Variants in RREB1 observed in about 807,000 individuals in gnomAD.
RREB1 encodes ras responsive element binding protein 1.
Under a neutral mutation model 117.8 loss-of-function variants are expected in RREB1, and 27 were observed. The observed-to-expected ratio is 0.23, with a 90% CI of 0.17 to 0.32. The LOEUF is 0.32. Among genes scored for constraint, RREB1 ranks in the 10% least tolerant of loss-of-function variants. The pLI is 1.00. For missense variants in RREB1, 2,577 were observed against 2,378.2 expected (o/e 1.08, Z -1.74); for synonymous variants, 1,298 against 1,026.7 (o/e 1.26, Z -5.05).
At chr6:7,201,388 C>A (rs947485440) in intron 6 of RREB1, among the ~76,000 whole-genome samples, 1 of 152,116 alleles carries the variant, frequency 6.6e-6, no homozygotes, top group Non-Finnish European at 1.5e-5. Context: ...CCAACCTGTC[C>A]GACCTGTTCG....
chr6:7,239,297 A>G, intron 10 of RREB1, among the ~76,000 whole-genome samples: 1 of 152,230 alleles, frequency 6.6e-6, no homozygotes, highest in Non-Finnish European at 1.5e-5. Context: ...AACATTAGCA[A>G]CTGGGACCTT....
chr6:7,169,115 T>A lies in RREB1; in HGVS notation c.-284-7540T>A, dbSNP rs539206270. On this transcript the variant is annotated intron_variant, in intron 1 of 12. Coordinates refer to ENST00000379938, the MANE Select transcript of RREB1 (RefSeq NM_001003699.4). ...TTTCTGTTACTTATAGCAACATTCTTTTCTGTTTTCAAATTCCTCAACCAA... is the reference window on the plus strand; with the variant it reads ...TTTCTGTTACTTATAGCAACATTCTATTCTGTTTTCAAATTCCTCAACCAA... 1.1e-3 allele frequency among the ~76,000 whole-genome samples: 174 copies of A among 152,252 alleles called. 1 individual carries two copies. The highest frequency in any genetic ancestry group is 2.3e-3 in the Non-Finnish European group (158 of 68,046).
At chr6:7,141,121 GCAGGGGCCCCCTCGGGCCGCCCC>G (rs1216666069) in intron 1 of RREB1, among the ~76,000 whole-genome samples, 1 of 152,190 alleles carries the variant, frequency 6.6e-6, no homozygotes, top group East Asian at 1.9e-4. Flanking sequence ...CTCCACGGCC[GCAGGGGCCCCCTCGGGCCGCCCC>G]CAGGGCTCCC....
In RREB1 at chr6:7,231,565, A is replaced by G. The variant is rs1581577608; in HGVS notation, c.3466A>G (p.Lys1156Glu). The change falls in exon 10 of 13, where the codon AAA becomes GAA. Residue 1156 changes from lysine (K) to glutamate (E), a missense_variant. Lys to Glu is a moderately conservative substitution (Grantham distance 56). Transcript: ENST00000379938. ...PAGTSKKRGR[K>E]RGMRSRPRAN... ...GGGCACGTCGAAGAAGAGGGGCCGG[A>G]AAAGGGGGATGAGGAGCCGACCCCG... 3.1e-6 allele frequency: 5 copies of G among 1,610,814 alleles called. No homozygotes were observed. Among genetic ancestry groups the G allele is most frequent in the Non-Finnish European group, 4.2e-6 (5 of 1,178,988 alleles).
chr6:7,217,723 C>T (rs1766986317), intron 8 of RREB1: 1 of 152,044 alleles, frequency 6.6e-6, no homozygotes, highest in Non-Finnish European at 1.5e-5. Context: ...AATTTTTCTT[C>T]TGATACTATT....
chr6:7,204,160 C>T lies in RREB1; in HGVS notation c.426-6644C>T, dbSNP rs559398207. Among the ~76,000 whole-genome samples the T allele has an allele frequency of 4.5e-4, 68 of 152,306 alleles. 1 individual carries two copies. In the South Asian group the frequency reaches 0.013, roughly 28 times the overall value. On this transcript the variant is annotated intron_variant, in intron 6 of 12. Transcript: ENST00000379938. Reference sequence around the variant, plus strand: ...TGCTTACGCATTGTCTAACCTTCCTCCACACCCTGGGAGAGCTGGTGTGAC... The same window carrying T: ...TGCTTACGCATTGTCTAACCTTCCTTCACACCCTGGGAGAGCTGGTGTGAC...
intron 8 of RREB1, chr6:7,218,293 A>G (rs1031577142): frequency 6.6e-6 from 1 of 152,240 alleles, no homozygotes; most frequent in African/African-American, 2.4e-5. Flanking sequence ...ATGGAGTTAC[A>G]TGACAGAGAA....
chr6:7,112,072 C>G (rs1581395604), intron 1 of RREB1, among the ~76,000 whole-genome samples: 1 of 152,274 alleles, frequency 6.6e-6, no homozygotes, highest in Middle Eastern at 3.4e-3. Flanking sequence ...TAGGGCTTCT[C>G]CTCCATTTCA....
chr6:7,210,710 A>G, intron 6 of RREB1, 94 bp from the exon 7 acceptor site: 1 of 1,142,674 alleles, frequency 8.8e-7, no homozygotes. Flanking sequence ...ACTAAAGAAA[A>G]TTTAAGTACC....
chr6:7,162,511 C>G (rs1476314548), intron 1 of RREB1, among the ~76,000 whole-genome samples: 1 of 151,988 alleles, frequency 6.6e-6, no homozygotes, highest in East Asian at 1.9e-4. Context: ...TGAAATTTCC[C>G]TCTCTGTGTT....
In RREB1 at chr6:7,203,592, G is replaced by A. The variant is rs930958155; in HGVS notation, c.426-7212G>A. 4.6e-5 allele frequency among the ~76,000 whole-genome samples: 7 copies of A among 152,190 alleles called. No individual in the cohort carries two copies. The East Asian group carries it at 7.7e-4, about 17-fold the overall frequency. Reference sequence around the variant, plus strand: ...GAGAGAAGCTCTGGGCTGATGAGCCGTGGAGATTGAGAGTCCACCAAAGCG... The same window carrying A: ...GAGAGAAGCTCTGGGCTGATGAGCCATGGAGATTGAGAGTCCACCAAAGCG... On this transcript the variant is annotated intron_variant, in intron 6 of 12. Transcript: ENST00000379938.
At chr6:7,121,160 A>G (rs978767573) in intron 1 of RREB1, among the ~76,000 whole-genome samples, 78 of 151,990 alleles carry the variant, frequency 5.1e-4, no homozygotes, top group African/African-American at 1.8e-3. Flanking sequence ...GGATTTTACT[A>G]TGTTGCCCAG....
At chr6:7,201,647 G>A (rs1765993721) in intron 6 of RREB1, among the ~76,000 whole-genome samples, 1 of 152,040 alleles carries the variant, frequency 6.6e-6, no homozygotes, top group African/African-American at 2.4e-5. Flanking sequence ...TGGGGCTCTG[G>A]GATGCTTAGT....
chr6:7,181,901 C>CTTA lies in RREB1; in HGVS notation c.-11_-10insTTA. 6.2e-7 allele frequency: 1 copy of CTTA among 1,614,082 alleles called. No individual in the cohort carries two copies. The highest frequency in any genetic ancestry group is 1.7e-5 in the Admixed American group (1 of 60,028). ...AGCAGAGGCTTCTTAGAAGCTTAAA[C>CTTA]CCCTGTCCCAATGACGTCAAGTTCG... On this transcript the variant is annotated 5_prime_UTR_variant, in exon 4 of 13. Coordinates refer to ENST00000379938, the MANE Select transcript of RREB1 (RefSeq NM_001003699.4).
chr6:7,165,627 T>A (rs1763894704), intron 1 of RREB1, among the ~76,000 whole-genome samples: 2 of 152,196 alleles, frequency 1.3e-5, no homozygotes, highest in Admixed American at 1.3e-4. Context: ...CTACAGAGAT[T>A]TTCCCTGTTA....
rs773035855 is a variant in RREB1 at position 7,246,856 on chromosome 6, C to T, written c.4406C>T (p.Ala1469Val). 9.0e-6 allele frequency: 14 copies of T among 1,552,828 alleles called. No homozygotes were observed. Among genetic ancestry groups the T allele is most frequent in the Non-Finnish European group, 1.2e-5 (14 of 1,148,544 alleles). Reference sequence around the variant, plus strand: ...GGCACCCTGAGCCGCCACCGGAAGGCGCACGGCCGCCAGGAGCCCAAGGAC... The same window carrying T: ...GGCACCCTGAGCCGCCACCGGAAGGTGCACGGCCGCCAGGAGCCCAAGGAC... ...FLGTLSRHRK[A>V]HGRQEPKDEK... Residue 1469 changes from alanine (A) to valine (V), a missense_variant, in exon 12 of 13, where the codon GCG becomes GTG. By Grantham distance (64) the Ala-to-Val change is moderately conservative (BLOSUM62 0). Transcript: ENST00000379938.
chr6:7,128,894 G>A (rs969268199), intron 1 of RREB1, among the ~76,000 whole-genome samples: 3 of 152,148 alleles, frequency 2.0e-5, no homozygotes, highest in African/African-American at 7.2e-5. Context: ...GCGTGAATCC[G>A]GGAGGCGGAG....
At chr6:7,175,024 T>C (rs1314543342) in intron 1 of RREB1, among the ~76,000 whole-genome samples, 1 of 152,170 alleles carries the variant, frequency 6.6e-6, no homozygotes, top group Admixed American at 6.5e-5. Context: ...CTTGGCAGTT[T>C]CTAGAAAAAA....
At chr6:7,221,451 C>T (rs965265544) in intron 8 of RREB1, among the ~76,000 whole-genome samples, 4 of 152,166 alleles carry the variant, frequency 2.6e-5, no homozygotes, top group Non-Finnish European at 5.9e-5. Flanking sequence ...GGATTACAGG[C>T]GTGAGCCACC....
Sources: allele counts gnomAD v4.1 joint callset (sites outside exome capture counted in the v4.1 genomes callset), GRCh38; gene constraint gnomAD v4.1.1; transcripts MANE v1.5; gene names NCBI Gene and HGNC (gene_info 2026-07-23, HGNC 2026-07-21).